The following ATXN7L1 variants were observed in gnomAD, a reference collection of about 807,000 sequenced individuals.
The protein encoded by ATXN7L1 is ataxin-7-like protein 1.
In ATXN7L1, 15 loss-of-function variants were observed where a neutral mutation model predicts 70.8. That is an observed-to-expected ratio of 0.21 (90% confidence interval 0.14 to 0.33). The LOEUF is 0.33. ATXN7L1 is among the 10% of genes least tolerant of loss of function. The pLI is 1.00. For missense variants in ATXN7L1, 975 were observed against 1,097.1 expected (o/e 0.89, Z 1.57); for synonymous variants, 440 against 445.1 (o/e 0.99, Z 0.14).
At chr7:105,655,627 A>G (rs1800503973) in intron 4 of ATXN7L1, among the ~76,000 whole-genome samples, 1 of 152,174 alleles carries the variant, frequency 6.6e-6, no homozygotes, top group Non-Finnish European at 1.5e-5. Context: ...GGAGCCATCA[A>G]TCCTGAGCCT....
At chr7:105,806,462 G>C (rs894107166) in intron 2 of ATXN7L1, among the ~76,000 whole-genome samples, 6 of 152,092 alleles carry the variant, frequency 3.9e-5, no homozygotes, top group African/African-American at 4.8e-5. Context: ...ATAGCAGCCC[G>C]AGCAGACTGA....
intron 3 of ATXN7L1, among the ~76,000 whole-genome samples, chr7:105,674,251 C>T (rs1053510112): frequency 6.6e-6 from 1 of 152,160 alleles, no homozygotes; most frequent in Admixed American, 6.5e-5. Context: ...CCAACACCAG[C>T]TCAGTTCCCA....
chr7:105,841,251 C>T (rs965366394), intron 2 of ATXN7L1, among the ~76,000 whole-genome samples: 7 of 152,172 alleles, frequency 4.6e-5, no homozygotes, highest in African/African-American at 7.2e-5. Flanking sequence ...AGTTGAAATG[C>T]CTGTCCTGGA....
chr7:105,714,174 C>T (rs772880048), intron 3 of ATXN7L1, among the ~76,000 whole-genome samples: 2 of 152,242 alleles, frequency 1.3e-5, no homozygotes, highest in Non-Finnish European at 2.9e-5. Context: ...GCCCAAGCCA[C>T]CCACTAATTG....
intron 3 of ATXN7L1, among the ~76,000 whole-genome samples, chr7:105,751,202 A>T (rs1319858888): frequency 1.3e-5 from 2 of 152,052 alleles, no homozygotes; most frequent in Admixed American, 6.6e-5. Flanking sequence ...ACTCCATGGG[A>T]AGGGATGGAT....
intron 3 of ATXN7L1, among the ~76,000 whole-genome samples, chr7:105,744,007 C>T (rs1376116067): frequency 6.6e-6 from 1 of 152,134 alleles, no homozygotes; most frequent in Non-Finnish European, 1.5e-5. Context: ...TGAAACAGCA[C>T]GTTGCAGCAT....
At position 105,733,617 on chromosome 7, in the gene ATXN7L1, TCCATCCATCCATCCAC is replaced by T. The variant is rs1563048973; in HGVS notation, c.355+54971_355+54986del. Among the ~76,000 whole-genome samples, 49 of 105,842 alleles carry T rather than the reference TCCATCCATCCATCCAC, an allele frequency of 4.6e-4. 1 individual carries two copies. Among genetic ancestry groups the T allele is most frequent in the East Asian group, 2.0e-3 (5 of 2,560 alleles). The allele number at this position is 105,842 out of a possible 152,430, so 69.4% of individuals were successfully genotyped here. On this transcript the variant is annotated intron_variant, in intron 3 of 11. Coordinates refer to ENST00000419735, the MANE Select transcript of ATXN7L1 (RefSeq NM_020725.2). ...ATCCATCCATCCACCCATCCATCCA[TCCATCCATCCATCCAC>T]CCATCCATCCATCCATCCATCCATC...
intron 2 of ATXN7L1, among the ~76,000 whole-genome samples, chr7:105,867,281 T>C (rs1302992740): frequency 1.3e-5 from 2 of 152,228 alleles, no homozygotes; most frequent in African/African-American, 4.8e-5. Flanking sequence ...ATTTCAGACA[T>C]ATCCCGTGGG....
chr7:105,624,292 C>T, intron 7 of ATXN7L1, 25 bp from the exon 8 acceptor site: 1 of 1,331,054 alleles, frequency 7.5e-7, no homozygotes, highest in Non-Finnish European at 9.7e-7. Context: ...GGAGAACAAA[C>T]AAAATAAACC....
intron 2 of ATXN7L1, among the ~76,000 whole-genome samples, chr7:105,796,020 A>G (rs1303630408): frequency 6.6e-6 from 1 of 152,244 alleles, no homozygotes; most frequent in East Asian, 1.9e-4. Flanking sequence ...ATTTATGTTA[A>G]TTTAAACATT....
intron 3 of ATXN7L1, among the ~76,000 whole-genome samples, chr7:105,685,545 C>CCAAA (rs1413497827): frequency 2.0e-5 from 3 of 152,186 alleles, no homozygotes; most frequent in Admixed American, 6.5e-5. Context: ...CAGACCAGAG[C>CCAAA]CAAAGCTGGC....
chr7:105,731,244 T>C (rs1796497850), intron 3 of ATXN7L1, among the ~76,000 whole-genome samples: 2 of 152,214 alleles, frequency 1.3e-5, no homozygotes, highest in Admixed American at 1.3e-4. Context: ...CGGCTCATTA[T>C]GTACATATGC....
intron 2 of ATXN7L1, among the ~76,000 whole-genome samples, chr7:105,810,699 C>A (rs189140571): frequency 1.3e-5 from 2 of 152,284 alleles, no homozygotes; most frequent in East Asian, 3.9e-4. Context: ...GGAGCCAACG[C>A]GAGCCAGCGT....
intron 2 of ATXN7L1, among the ~76,000 whole-genome samples, chr7:105,855,081 A>G (rs923894773): frequency 6.6e-6 from 1 of 151,792 alleles, no homozygotes; most frequent in Non-Finnish European, 1.5e-5. Flanking sequence ...CAGCCTCCCA[A>G]GTAGCTGGAA....
chr7:105,706,604 A>G (rs967082325), intron 3 of ATXN7L1, among the ~76,000 whole-genome samples: 2 of 152,250 alleles, frequency 1.3e-5, no homozygotes, highest in Non-Finnish European at 2.9e-5. Flanking sequence ...AAACCTCTGG[A>G]AAGATATTCC....
At chr7:105,702,563 CAG>C (rs1792589442) in intron 3 of ATXN7L1, among the ~76,000 whole-genome samples, 4 of 145,560 alleles carry the variant, frequency 2.7e-5, no homozygotes, top group Non-Finnish European at 6.0e-5. Flanking sequence ...CACACACACA[CAG>C]ACACACATAC....
chr7:105,735,980 A>G (rs1232923624), intron 3 of ATXN7L1, among the ~76,000 whole-genome samples: 1 of 152,242 alleles, frequency 6.6e-6, no homozygotes, highest in Non-Finnish European at 1.5e-5. Flanking sequence ...GAAACAAGGG[A>G]TTGAAACTAG....
intron 3 of ATXN7L1, chr7:105,761,358 C>T (rs1800513164): frequency 1.9e-6 from 3 of 1,613,776 alleles, no homozygotes; most frequent in African/African-American, 1.3e-5. Flanking sequence ...AGTTGTACGT[C>T]TCTTCTGCGT....
At chr7:105,837,678 T>G (rs952705558) in intron 2 of ATXN7L1, among the ~76,000 whole-genome samples, 3 of 151,964 alleles carry the variant, frequency 2.0e-5, no homozygotes, top group African/African-American at 7.3e-5. Context: ...GGTGAACGCA[T>G]GAACAGGGAG....
Sources: allele counts gnomAD v4.1 joint callset (sites outside exome capture counted in the v4.1 genomes callset), GRCh38; gene constraint gnomAD v4.1.1; transcripts MANE v1.5; gene names NCBI Gene and HGNC (gene_info 2026-07-23, HGNC 2026-07-21).